The following PRKCE variants were observed in gnomAD, a reference collection of about 807,000 sequenced individuals.
PRKCE encodes the protein protein kinase C epsilon.
PRKCE carries 16 observed loss-of-function variants against 85.4 expected under a neutral mutation model. The observed-to-expected ratio is 0.19, with a 90% confidence interval of 0.13 to 0.28. The LOEUF (loss-of-function observed/expected upper bound fraction) is 0.28, where lower values mean the gene tolerates loss of function less well. Ranked by LOEUF, PRKCE falls within the 10% of genes least tolerant of loss-of-function variation. The pLI is 1.00. For missense variants in PRKCE, 573 were observed against 975.2 expected (o/e 0.59, Z 5.49); for synonymous variants, 388 against 371.5 (o/e 1.04, Z -0.51).
At chr2:45,762,402 C>A (rs1684579366) in intron 1 of PRKCE, among the ~76,000 whole-genome samples, 1 of 152,212 alleles carries the variant, frequency 6.6e-6, no homozygotes, top group South Asian at 2.1e-4. Context: ...TTGCTCCCTG[C>A]TGAACTTTGT....
At chr2:45,902,623 G>C (rs1696662648) in intron 2 of PRKCE, among the ~76,000 whole-genome samples, 3 of 152,208 alleles carry the variant, frequency 2.0e-5, no homozygotes, top group Admixed American at 2.0e-4. Context: ...GAAGTTCTTG[G>C]AGCTGGAACT....
chr2:45,688,008 A>T (rs1677435693), intron 1 of PRKCE, among the ~76,000 whole-genome samples: 1 of 152,210 alleles, frequency 6.6e-6, no homozygotes, highest in Admixed American at 6.5e-5. Flanking sequence ...CCCACTAGGA[A>T]TCTAGCTCTG....
chr2:45,712,731 C>G (rs1377000614), intron 1 of PRKCE, among the ~76,000 whole-genome samples: 1 of 152,114 alleles, frequency 6.6e-6, no homozygotes, highest in African/African-American at 2.4e-5. Context: ...CTCCCTGTAC[C>G]TACAGGCAGA....
Position 45,905,644 on chromosome 2 carries a change from G to A in PRKCE, c.412+62581G>A, listed in dbSNP as rs898245435. On this transcript the variant is annotated intron_variant, in intron 2 of 14. Transcript: ENST00000306156. The surrounding 1 kb of genome is among the most constrained non-coding windows in gnomAD (Gnocchi z 4.4). Reference sequence around the variant, plus strand: ...CTTTCTAAGGGGCTGAGGGCTGGCCGGGGCCCTAGCTGGGGAACCTCTGAT... The same window carrying A: ...CTTTCTAAGGGGCTGAGGGCTGGCCAGGGCCCTAGCTGGGGAACCTCTGAT... Among the ~76,000 whole-genome samples the A allele has an allele frequency of 3.9e-5, 6 of 152,192 alleles. No individual in the cohort carries two copies. The highest frequency in any genetic ancestry group is 2.0e-4 in the Admixed American group (3 of 15,282).
At chr2:45,879,452 G>A (rs549083331) in intron 2 of PRKCE, among the ~76,000 whole-genome samples, 2 of 152,212 alleles carry the variant, frequency 1.3e-5, no homozygotes, top group African/African-American at 2.4e-5. Flanking sequence ...CACACTGACC[G>A]TCTCCCCTTG....
In PRKCE at chr2:45,940,294, A is replaced by G. The variant is rs550340786; in HGVS notation, c.413-36135A>G. Among the ~76,000 whole-genome samples, 6 of 152,280 alleles carry G rather than the reference A, an allele frequency of 3.9e-5. No homozygotes were observed. In the South Asian group the frequency reaches 1.2e-3, roughly 32 times the overall value. Reference sequence around the variant, plus strand: ...GAGTGGCCTGCAAAGTGGAATTTGGACACAGTGCCCAGAGTAGGCAAGATG... The same window carrying G: ...GAGTGGCCTGCAAAGTGGAATTTGGGCACAGTGCCCAGAGTAGGCAAGATG... On this transcript the variant is annotated intron_variant, in intron 2 of 14. Coordinates refer to ENST00000306156, the MANE Select transcript of PRKCE (RefSeq NM_005400.3).
intron 1 of PRKCE, among the ~76,000 whole-genome samples, chr2:45,839,804 G>C (rs1212425651): frequency 6.6e-6 from 1 of 152,244 alleles, no homozygotes; most frequent in Non-Finnish European, 1.5e-5. Context: ...TTCCTCGCTT[G>C]GCTAGCTGGG....
chr2:45,700,917 G>A (rs111578792), intron 1 of PRKCE, among the ~76,000 whole-genome samples: 287 of 152,262 alleles, frequency 1.9e-3, no homozygotes, highest in African/African-American at 6.4e-3. Flanking sequence ...AGGAATGCCT[G>A]GGGCTCCCAG....
intron 1 of PRKCE, among the ~76,000 whole-genome samples, chr2:45,767,881 C>T (rs1165592761): frequency 1.3e-5 from 2 of 152,138 alleles, no homozygotes; most frequent in Non-Finnish European, 2.9e-5. Flanking sequence ...ACTAGAAACA[C>T]CAAGGGATAG....
In PRKCE at chr2:45,652,070, G is replaced by C. The variant is rs1675151562; in HGVS notation, c.-31G>C. On this transcript the variant is annotated 5_prime_UTR_variant, in exon 1 of 15. Coordinates refer to ENST00000306156, the MANE Select transcript of PRKCE (RefSeq NM_005400.3). The surrounding 1 kb of genome is among the most constrained non-coding windows in gnomAD (Gnocchi z 7.7). ...CATTCCTGCCCTCGGGGCAGACGGA[G>C]TGACCCCGGCCCCCACTCCCCGCCC... The C allele has an allele frequency of 2.7e-6, 4 of 1,487,102 alleles. No homozygotes were observed. The highest frequency in any genetic ancestry group is 3.6e-6 in the Non-Finnish European group (4 of 1,102,358). 92.1% of individuals were successfully genotyped at this position (1,487,102 alleles called of 1,614,324 possible).
chr2:45,707,508 A>G (rs1679209729), intron 1 of PRKCE, among the ~76,000 whole-genome samples: 1 of 152,182 alleles, frequency 6.6e-6, no homozygotes, highest in Non-Finnish European at 1.5e-5. Flanking sequence ...GGCACAAAGG[A>G]TTTGTCACTT....
chr2:45,988,625 G>A (rs1350577660), intron 6 of PRKCE, among the ~76,000 whole-genome samples: 1 of 152,148 alleles, frequency 6.6e-6, no homozygotes, highest in Non-Finnish European at 1.5e-5. Flanking sequence ...GAAAAATGCT[G>A]GCACAAAGTG....
intron 12 of PRKCE, among the ~76,000 whole-genome samples, chr2:46,148,641 G>A (rs1275082504): frequency 2.0e-5 from 3 of 152,250 alleles, no homozygotes; most frequent in Non-Finnish European, 2.9e-5. Flanking sequence ...GATGTTGACT[G>A]TCTCCTGGAT....
intron 1 of PRKCE, among the ~76,000 whole-genome samples, chr2:45,784,858 A>T (rs981793414): frequency 2.0e-5 from 3 of 152,212 alleles, no homozygotes; most frequent in African/African-American, 7.2e-5. Flanking sequence ...TTCTGGAATA[A>T]TGATAATGTT....
chr2:45,949,932 T>C (rs967903455), intron 2 of PRKCE, among the ~76,000 whole-genome samples: 1 of 152,094 alleles, frequency 6.6e-6, no homozygotes, highest in Non-Finnish European at 1.5e-5. Flanking sequence ...TTTATTCTTA[T>C]CAAATTTTTT....
chr2:45,722,465 C>T (rs185046393), intron 1 of PRKCE, among the ~76,000 whole-genome samples: 1 of 152,316 alleles, frequency 6.6e-6, no homozygotes, highest in East Asian at 1.9e-4. Context: ...GAAAAGGCCG[C>T]AGGAACCTCC....
chr2:46,146,054 T>C (rs1676041280), intron 12 of PRKCE, among the ~76,000 whole-genome samples: 1 of 152,190 alleles, frequency 6.6e-6, no homozygotes. Context: ...CTGTGCCTCA[T>C]TATATACAGA....
intron 2 of PRKCE, among the ~76,000 whole-genome samples, chr2:45,928,579 A>C (rs1361966505): frequency 6.6e-6 from 1 of 152,200 alleles, no homozygotes; most frequent in African/African-American, 2.4e-5. Flanking sequence ...CCATAACTTT[A>C]CACTTCTCTG....
In PRKCE at chr2:45,903,894, TG is replaced by T. The variant is rs1558815064; in HGVS notation, c.412+60832del. 2.1e-3 allele frequency among the ~76,000 whole-genome samples: 196 copies of T among 95,368 alleles called. 4 individuals are homozygous for T. The highest frequency in any genetic ancestry group is 5.0e-3 in the Middle Eastern group (1 of 200). The allele number at this position is 95,368 out of a possible 152,430, so 62.6% of individuals were successfully genotyped here. On this transcript the variant is annotated intron_variant, in intron 2 of 14. Transcript: ENST00000306156. ...TGTAGCCTGGCAGTTTTTTTTTGTT[TG>T]TTTGTTTGTTTGTTTGTTTGTTTTT...
Sources: gnomAD v4.1 joint callset for allele counts (sites outside exome capture counted in the v4.1 genomes callset) on GRCh38, gnomAD v4.1.1 for gene constraint, Gnocchi (gnomAD v3.1) non-coding constraint, MANE v1.5 for transcripts, NCBI Gene and HGNC (gene_info 2026-07-23, HGNC 2026-07-21) for gene names.